INPP4B: variants seen among roughly 807,000 people sequenced by gnomAD.
INPP4B encodes inositol polyphosphate-4-phosphatase type II B.
In INPP4B, 55 loss-of-function variants were observed where a neutral mutation model predicts 122.5. The ratio of observed to expected loss-of-function variants is 0.45; its 90% CI spans 0.36 to 0.56. The LOEUF (loss-of-function observed/expected upper bound fraction) is 0.56, where lower values mean the gene tolerates loss of function less well. INPP4B is among the 20% of genes least tolerant of loss of function. INPP4B has a pLI of 0.00. For synonymous variants in INPP4B, 403 were observed against 388.7 expected (o/e 1.04, Z -0.43); for missense variants, 1,000 against 1,097.7 (o/e 0.91, Z 1.26).
chr4:142,722,512 G>T (rs1271251126), intron 2 of INPP4B, among the ~76,000 whole-genome samples: 1 of 151,956 alleles, frequency 6.6e-6, no homozygotes, highest in Admixed American at 6.6e-5. Flanking sequence ...ATAAAATATT[G>T]CACAGAAACT....
At chr4:142,831,942 A>T (rs888298926) in intron 1 of INPP4B, among the ~76,000 whole-genome samples, 4 of 152,208 alleles carry the variant, frequency 2.6e-5, no homozygotes, top group African/African-American at 9.6e-5. Context: ...TGGTACAAAT[A>T]AACCTTAGCA....
chr4:142,263,608 A>G (rs1435477859), intron 10 of INPP4B, among the ~76,000 whole-genome samples: 1 of 141,600 alleles, frequency 7.1e-6, no homozygotes, highest in Non-Finnish European at 1.5e-5. Context: ...ATTAGTGAGG[A>G]AAATAGACCA....
At chr4:142,362,899 T>G (rs189360979) in intron 7 of INPP4B, among the ~76,000 whole-genome samples, 1 of 152,114 alleles carries the variant, frequency 6.6e-6, no homozygotes, top group African/African-American at 2.4e-5. Flanking sequence ...CGTTCACTAT[T>G]TGGGTGACGG....
intron 2 of INPP4B, among the ~76,000 whole-genome samples, chr4:142,515,119 T>G: frequency 6.6e-6 from 1 of 152,086 alleles, no homozygotes; most frequent in East Asian, 1.9e-4. Flanking sequence ...AAATATTGTA[T>G]GTATATAAAG....
At chr4:142,460,882 T>TTTTTTTTTTTTTTTTGAGA (rs1553936436) in intron 3 of INPP4B, among the ~76,000 whole-genome samples, 1 of 152,012 alleles carries the variant, frequency 6.6e-6, no homozygotes, top group African/African-American at 2.4e-5. Context: ...ACATTTTATA[T>TTTTTTTTTTTTTTTTGAGA]CAAATCAAAT....
chr4:142,195,907 C>T (rs939756159), intron 14 of INPP4B, among the ~76,000 whole-genome samples: 1 of 152,058 alleles, frequency 6.6e-6, no homozygotes, highest in East Asian at 2.0e-4. Context: ...TTCAGCTTTA[C>T]GGTGAATCTG....
rs17015835 is a variant in INPP4B, at chr4:142,297,055, A to G, written c.503+8403T>C. On this transcript the variant is annotated intron_variant, in intron 9 of 25. Transcript: ENST00000262992. ...GATATATTCAGCAATAAAATGAATC[A>G]GCAACCTCTAAAAGCAAAACTTTGT... Among the ~76,000 whole-genome samples, 1,063 of 152,328 alleles carry G rather than the reference A, an allele frequency of 7.0e-3. 7 individuals carry two copies. The highest frequency in any genetic ancestry group is 0.024 in the Middle Eastern group (7 of 294).
intron 2 of INPP4B, among the ~76,000 whole-genome samples, chr4:142,682,873 G>T (rs1022784953): frequency 6.6e-6 from 1 of 151,848 alleles, no homozygotes; most frequent in Non-Finnish European, 1.5e-5. Flanking sequence ...TATAAAAACG[G>T]TACTTTAGCT....
chr4:142,025,177 C>T lies in INPP4B; in HGVS notation c.*3605G>A, dbSNP rs1736646048. Reference sequence around the variant, plus strand: ...ATTGCTAGTTTGTAGCATTTGCCAGCCAGTTTCTATGGTGTTAAATACTCC... The same window carrying T: ...ATTGCTAGTTTGTAGCATTTGCCAGTCAGTTTCTATGGTGTTAAATACTCC... On this transcript the variant is annotated 3_prime_UTR_variant, in exon 26 of 26. Transcript: ENST00000262992. The T allele has an allele frequency of 1.9e-5, 1 of 51,680 alleles. No homozygotes were observed. Among genetic ancestry groups the T allele is most frequent in the African/African-American group, 7.7e-5 (1 of 13,060 alleles). The allele number at this position is 51,680 out of a possible 1,614,324, so 3.2% of individuals were successfully genotyped here. A position where few individuals can be genotyped will look rare whatever the true frequency, so the allele number is the denominator to read the frequency against.
intron 1 of INPP4B, among the ~76,000 whole-genome samples, chr4:142,843,163 T>C (rs1247908916): frequency 6.6e-6 from 1 of 151,470 alleles, no homozygotes; most frequent in Non-Finnish European, 1.5e-5. Context: ...TCTAGGTATA[T>C]ACTGCTCTAA....
chr4:142,598,384 C>G (rs1055556239), intron 2 of INPP4B, among the ~76,000 whole-genome samples: 1 of 152,206 alleles, frequency 6.6e-6, no homozygotes, highest in African/African-American at 2.4e-5. Flanking sequence ...TTCCTCACCT[C>G]TGAGACTTAA....
intron 2 of INPP4B, among the ~76,000 whole-genome samples, chr4:142,592,800 A>G (rs1222586105): frequency 6.6e-6 from 1 of 152,276 alleles, no homozygotes; most frequent in Admixed American, 6.5e-5. Context: ...CTGAATTTAT[A>G]GGATCAAAGA....
At chr4:142,795,272 A>G (rs2047774605) in intron 1 of INPP4B, 1 of 152,036 alleles carries the variant, frequency 6.6e-6, no homozygotes, top group African/African-American at 2.4e-5. Context: ...CTAAAGAAAA[A>G]GCAAGGAAAC....
At chr4:142,090,949 T>G (rs772938420) in intron 23 of INPP4B, among the ~76,000 whole-genome samples, 4 of 152,094 alleles carry the variant, frequency 2.6e-5, no homozygotes, top group Non-Finnish European at 5.9e-5. Flanking sequence ...ATAGAAAGAT[T>G]CATACAAAAC....
intron 2 of INPP4B, among the ~76,000 whole-genome samples, chr4:142,612,878 T>A (rs1742869580): frequency 6.6e-6 from 1 of 152,196 alleles, no homozygotes; most frequent in Non-Finnish European, 1.5e-5. Context: ...AACAGAACCC[T>A]GACTGTTAGC....
chr4:142,531,249 CA>C (rs560028736), intron 2 of INPP4B, among the ~76,000 whole-genome samples: 73 of 146,496 alleles, frequency 5.0e-4, no homozygotes, highest in African/African-American at 1.6e-3. Flanking sequence ...TCACTCTTAA[CA>C]GGAAGAGAAG....
chr4:142,150,089 C>A (rs1294564238), intron 17 of INPP4B, among the ~76,000 whole-genome samples: 1 of 152,170 alleles, frequency 6.6e-6, no homozygotes, highest in Non-Finnish European at 1.5e-5. Context: ...AAGTTACCAG[C>A]AAAAATACAT....
chr4:142,091,279 A>T (rs1344318740), intron 23 of INPP4B, among the ~76,000 whole-genome samples: 1 of 152,164 alleles, frequency 6.6e-6, no homozygotes, highest in Non-Finnish European at 1.5e-5. Context: ...CAGGAAAGTG[A>T]TTTCTAATGC....
intron 10 of INPP4B, among the ~76,000 whole-genome samples, chr4:142,260,860 T>C (rs922096232): frequency 6.6e-6 from 1 of 152,198 alleles, no homozygotes; most frequent in African/African-American, 2.4e-5. Context: ...CCTAGCACAG[T>C]AAATCATATT....
Sources: allele counts gnomAD v4.1 joint callset (sites outside exome capture counted in the v4.1 genomes callset), GRCh38; gene constraint gnomAD v4.1.1; transcripts MANE v1.5; gene names NCBI Gene and HGNC (gene_info 2026-07-23, HGNC 2026-07-21).